Variants in RFC5 observed in about 807,000 individuals in gnomAD.
RFC5 encodes the protein A1 36 kDa subunit.
A neutral mutation model predicts 44.3 loss-of-function variants in RFC5; 26 were observed. The ratio of observed to expected loss-of-function variants is 0.59; its 90% CI spans 0.43 to 0.81. The LOEUF is 0.81. Among genes scored for constraint, RFC5 ranks in the 40% least tolerant of loss-of-function variants. The pLI is 0.00. For synonymous variants in RFC5, 155 were observed against 155.2 expected (o/e 1.00, Z 0.01); for missense variants, 328 against 418.6 (o/e 0.78, Z 1.89).
rs1418962727 is a variant in RFC5 at position 118,025,563 on chromosome 12, G to A, written c.582-184G>A. The A allele has an allele frequency of 3.0e-5, 16 of 528,782 alleles. No individual in the cohort carries two copies. The East Asian group carries it at 3.8e-4, about 13-fold the overall frequency. 32.8% of individuals were successfully genotyped at this position (528,782 alleles called of 1,614,324 possible). ...ATTTTGGTTGGCTGTGACTACTAAT[G>A]TGAAGCCCAGGTCCCTAAAAACCAG... On this transcript the variant is annotated intron_variant, in intron 6 of 10. Coordinates refer to ENST00000454402, the MANE Select transcript of RFC5 (RefSeq NM_007370.7).
intron 9 of RFC5, 138 bp downstream of exon 9, chr12:118,028,168 TTC>T (rs2031079435): frequency 1.5e-6 from 1 of 647,036 alleles, no homozygotes; most frequent in Admixed American, 2.3e-5. Context: ...TTGTTAGCAG[TTC>T]TGTCTTGCCA....
At chr12:118,027,881 G>C (rs552475163) in intron 8 of RFC5, 72 bp from the exon 9 acceptor site, 143 of 918,628 alleles carry the variant, frequency 1.6e-4, no homozygotes, top group Non-Finnish European at 2.5e-4. Context: ...CTCTTGCCCG[G>C]GTTTGGATTC....
chr12:118,035,415 G>T, downstream of RFC5: 1 of 1,096,524 alleles, frequency 9.1e-7, no homozygotes, highest in Non-Finnish European at 1.4e-6. Context: ...AAACTGCCCT[G>T]GCTACAAAAG....
At chr12:118,033,898 C>CTT (rs1315202981), downstream of RFC5, 1 of 364,416 alleles carries the variant, frequency 2.7e-6, no homozygotes, top group Non-Finnish European at 5.1e-6. Context: ...AGTAACTGCA[C>CTT]TTTGAATCAA....
intron 9 of RFC5, among the ~76,000 whole-genome samples, chr12:118,028,500 C>CAA (rs2031106774): frequency 1.4e-5 from 2 of 144,740 alleles, no homozygotes; most frequent in South Asian, 2.2e-4. Context: ...AAAAACAAAA[C>CAA]AAAACACAAA....
Position 118,026,903 on chromosome 12 carries a change from C to G in RFC5, c.678C>G (p.Ala226=), listed in dbSNP as rs1448150105. 6.2e-7 allele frequency: 1 copy of G among 1,614,054 alleles called. No individual in the cohort carries two copies. The highest frequency in any genetic ancestry group is 1.7e-5 in the Admixed American group (1 of 60,022). ...TGTCTACACAGAGCACCAATATGGC[C>G]TTTGGGAAGGTGACAGAGGAGACTG... The part of the protein sequence containing the change: ...ALNILQSTNM[A]FGKVTEETVY... The change falls in exon 8 of 11, where the codon GCC becomes GCG. Residue 226 remains alanine, a synonymous_variant. Transcript: ENST00000454402.
chr12:118,036,642 G>T, downstream of RFC5: 2 of 937,698 alleles, frequency 2.1e-6, no homozygotes, highest in Non-Finnish European at 3.2e-6. Context: ...CTTTTCTACA[G>T]CTCTTCCAGA....
Position 118,032,137 on chromosome 12 carries a change from A to G in RFC5, c.*859A>G, listed in dbSNP as rs1719545250. 1 of 152,232 alleles carries G rather than the reference A, an allele frequency of 6.6e-6. No homozygotes were observed. The highest frequency in any genetic ancestry group is 1.5e-5 in the Non-Finnish European group (1 of 68,036). The allele number at this position is 152,232 out of a possible 1,614,324, so 9.4% of individuals were successfully genotyped here. A position where few individuals can be genotyped will look rare whatever the true frequency, so the allele number is the denominator to read the frequency against. ...TGTGTTACAAGTGACTCTTCCTTAG[A>G]CAGCTAGAAAGATGCTGACTTTGTC... On this transcript the variant is annotated 3_prime_UTR_variant, in exon 11 of 11. Coordinates refer to ENST00000454402, the MANE Select transcript of RFC5 (RefSeq NM_007370.7).
chr12:118,033,931 CT>C, downstream of RFC5: 1 of 453,220 alleles, frequency 2.2e-6, no homozygotes, highest in Non-Finnish European at 4.0e-6. Context: ...GAGTTCAACA[CT>C]TGCTGTTCAT....
At chr12:118,026,790 C>T (rs1388137354) in intron 7 of RFC5, 99 bp from the exon 8 acceptor site, 2 of 1,358,838 alleles carry the variant, frequency 1.5e-6, no homozygotes, top group Non-Finnish European at 2.0e-6. Context: ...TTGCTGCTCA[C>T]CTGCATTGCT....
chr12:118,040,630 A>T, the RFC5 span, among the ~76,000 whole-genome samples: 1 of 150,774 alleles, frequency 6.6e-6, no homozygotes, highest in East Asian at 2.0e-4. Context: ...GCATGGTGGC[A>T]CACACCTGGA....
Position 118,025,829 on chromosome 12 carries a change from G to A in RFC5, c.663+1G>A, listed in dbSNP as rs955780368. On this transcript the variant is annotated splice_donor_variant, in intron 7 of 10. Transcript: ENST00000454402. LOFTEE classifies it high-confidence loss of function. ...GCGTAGGGCTCTGAACATTTTGCAG[G>A]TATGGTCTCAAGCAAATCCTTTTTT... 1 of 1,533,572 alleles carries A rather than the reference G, an allele frequency of 6.5e-7. No individual in the cohort carries two copies. Among genetic ancestry groups the A allele is most frequent in the South Asian group, 1.1e-5 (1 of 89,316 alleles). 95.0% of individuals were successfully genotyped at this position (1,533,572 alleles called of 1,614,324 possible).
At chr12:118,029,398 G>A (rs532520867) in intron 9 of RFC5, among the ~76,000 whole-genome samples, 2 of 152,268 alleles carry the variant, frequency 1.3e-5, no homozygotes, top group Admixed American at 6.5e-5. Context: ...ACTCCAGCCT[G>A]GGCAAGACAG....
At chr12:118,027,139 CTTG>C in intron 8 of RFC5, 121 bp downstream of exon 8, 2 of 1,004,998 alleles carry the variant, frequency 2.0e-6, no homozygotes, top group Non-Finnish European at 3.0e-6. Flanking sequence ...CTCTGGTCAG[CTTG>C]TTGTGGGAGT....
Position 118,019,408 on chromosome 12 carries a change from T to G in RFC5, c.131-224T>G, listed in dbSNP as rs1167750235. On this transcript the variant is annotated intron_variant, in intron 2 of 10. Coordinates refer to ENST00000454402, the MANE Select transcript of RFC5 (RefSeq NM_007370.7). This position sits in a 1 kb window ranked among gnomAD's most constrained non-coding sequence, Gnocchi z 4.2. ...TGTTGCCAGCACCCAGAAAGGTGCC[T>G]GTAACACAGTAGGCACTCAATAAAT... Among the ~76,000 whole-genome samples the G allele has an allele frequency of 6.6e-6, 1 of 152,214 alleles. No individual in the cohort carries two copies. The highest frequency in any genetic ancestry group is 2.4e-5 in the African/African-American group (1 of 41,464).
intron 6 of RFC5, 80 bp downstream of exon 6, chr12:118,025,090 G>A: frequency 6.3e-6 from 9 of 1,420,560 alleles, no homozygotes; most frequent in Non-Finnish European, 7.7e-6. Flanking sequence ...GTATGTAGAG[G>A]AGAGGAATGT....
At chr12:118,026,783 C>A in intron 7 of RFC5, 106 bp from the exon 8 acceptor site, 1 of 1,263,576 alleles carries the variant, frequency 7.9e-7, no homozygotes. Flanking sequence ...TAGAACTTTG[C>A]TGCTCACCTG....
chr12:118,036,566 A>G (rs537138145), downstream of RFC5: 1 of 1,526,266 alleles, frequency 6.6e-7, no homozygotes, highest in African/African-American at 1.4e-5. Flanking sequence ...TAGGACTCAA[A>G]CGGAGGGAGG....
intron 10 of RFC5, among the ~76,000 whole-genome samples, chr12:118,030,741 C>T (rs5745889): frequency 0.014 from 2,197 of 152,188 alleles, 38 homozygotes; most frequent in Middle Eastern, 0.071. Context: ...CAGGTTCAAG[C>T]GATTCACCTG....
Sources: gnomAD v4.1 joint callset for allele counts (sites outside exome capture counted in the v4.1 genomes callset) on GRCh38, gnomAD v4.1.1 for gene constraint, Gnocchi (gnomAD v3.1) non-coding constraint, MANE v1.5 for transcripts, NCBI Gene and HGNC (gene_info 2026-07-23, HGNC 2026-07-21) for gene names.